The following DDC variants were observed in gnomAD, a reference collection of about 807,000 sequenced individuals.
DDC encodes dopa decarboxylase.
A neutral mutation model predicts 60.0 loss-of-function variants in DDC; 43 were observed. The observed-to-expected ratio is 0.72, with a 90% CI of 0.56 to 0.92. The LOEUF is 0.92. DDC is among the 40% of genes least tolerant of loss of function. The pLI, the probability that DDC is intolerant of heterozygous loss-of-function variation, is 0.00. For missense variants in DDC, 573 were observed against 620.2 expected, an observed-to-expected ratio of 0.92 and a Z score of 0.81; for synonymous variants, 232 against 234.6, an observed-to-expected ratio of 0.99 and a Z score of 0.10.
At chr7:50,550,989 G>A (rs2044974409) in intron 1 of DDC, among the ~76,000 whole-genome samples, 1 of 152,102 alleles carries the variant, frequency 6.6e-6, no homozygotes, top group African/African-American at 2.4e-5. Context: ...ATCCTAAAAT[G>A]TGCAACCTCT....
intron 1 of DDC, among the ~76,000 whole-genome samples, chr7:50,555,729 C>A (rs1483472493): frequency 6.6e-6 from 1 of 152,164 alleles, no homozygotes. Context: ...TTCATAAGAA[C>A]CTTGTCAGGA....
At chr7:50,521,384 A>G (rs1339791451) in intron 6 of DDC, among the ~76,000 whole-genome samples, 1 of 152,188 alleles carries the variant, frequency 6.6e-6, no homozygotes, top group East Asian at 1.9e-4. Flanking sequence ...GGAAGTAAGG[A>G]TTACTTACAG....
intron 6 of DDC, among the ~76,000 whole-genome samples, chr7:50,508,734 A>G (rs911532655): frequency 1.1e-4 from 17 of 152,208 alleles, no homozygotes; most frequent in Admixed American, 3.9e-4. Context: ...GCATATAGTC[A>G]TTATGCACAT....
intron 6 of DDC, among the ~76,000 whole-genome samples, chr7:50,525,843 A>G (rs1335891356): frequency 6.6e-6 from 1 of 152,138 alleles, no homozygotes; most frequent in African/African-American, 2.4e-5. Flanking sequence ...TCAGCTAGGC[A>G]TAGCTAAAGA....
chr7:50,534,245 G>C (rs541016481), intron 4 of DDC, among the ~76,000 whole-genome samples: 3 of 152,142 alleles, frequency 2.0e-5, no homozygotes, highest in Admixed American at 2.0e-4. Flanking sequence ...TTCTGCCATG[G>C]AGCTTTGCAG....
At chr7:50,473,280 C>T (rs1252331668) in intron 11 of DDC, among the ~76,000 whole-genome samples, 1 of 152,120 alleles carries the variant, frequency 6.6e-6, no homozygotes, top group Non-Finnish European at 1.5e-5. Flanking sequence ...GGGCTCTGCA[C>T]ACCAGGGCCC....
chr7:50,539,885 C>T, intron 3 of DDC, 30 bp downstream of exon 3: 2 of 1,553,562 alleles, frequency 1.3e-6, no homozygotes, highest in Middle Eastern at 1.7e-4. Context: ...ACAGCCAGGA[C>T]CCCTTCCCGA....
rs1170442057 is a variant in DDC at position 50,525,689 on chromosome 7, G to C, written c.714+2448C>G. 2.0e-5 allele frequency among the ~76,000 whole-genome samples: 3 copies of C among 152,036 alleles called. No homozygotes were observed. The East Asian group carries it at 5.8e-4, about 29-fold the overall frequency. On this transcript the variant is annotated intron_variant, in intron 6 of 14. Transcript: ENST00000444124. ...TGAGGTAGGAGACTTACTTGAACCT[G>C]GGAGGCAGATGTTGCAGTGAGCCAA... is the stretch of plus-strand genomic sequence containing the variant.
intron 10 of DDC, among the ~76,000 whole-genome samples, chr7:50,477,190 G>T (rs1448752850): frequency 6.6e-6 from 1 of 152,130 alleles, no homozygotes. Context: ...GCTCCACATT[G>T]GTTATGAAAA....
intron 1 of DDC, among the ~76,000 whole-genome samples, chr7:50,561,308 G>A (rs1367813128): frequency 6.6e-6 from 1 of 152,142 alleles, no homozygotes; most frequent in East Asian, 1.9e-4. Context: ...GTGTTCCCAG[G>A]CACTGTGTAG....
At chr7:50,464,230 A>C (rs1324098207) in intron 13 of DDC, among the ~76,000 whole-genome samples, 2 of 152,058 alleles carry the variant, frequency 1.3e-5, no homozygotes, top group Admixed American at 6.5e-5. Flanking sequence ...CTGTCTTCAG[A>C]GTGGAGAAGC....
At chr7:50,555,368 C>T (rs1394355285) in intron 1 of DDC, among the ~76,000 whole-genome samples, 1 of 152,130 alleles carries the variant, frequency 6.6e-6, no homozygotes, top group Admixed American at 6.5e-5. Context: ...TTGGTGAGAG[C>T]TATTACTATG....
At chr7:50,459,413 C>T (rs887497936) in intron 14 of DDC, among the ~76,000 whole-genome samples, 11 of 151,416 alleles carry the variant, frequency 7.3e-5, no homozygotes, top group African/African-American at 2.7e-4. Context: ...TCTGCCTGGC[C>T]GCCCATCGTC....
chr7:50,534,950 C>T (rs1412255999), intron 4 of DDC, among the ~76,000 whole-genome samples: 1 of 152,190 alleles, frequency 6.6e-6, no homozygotes, highest in African/African-American at 2.4e-5. Flanking sequence ...GCTGGAAGGG[C>T]ACCTGTGACA....
At chr7:50,545,254 T>G (rs1413664538) in intron 1 of DDC, among the ~76,000 whole-genome samples, 2 of 152,204 alleles carry the variant, frequency 1.3e-5, no homozygotes, top group African/African-American at 2.4e-5. Flanking sequence ...CGTCCCTGAG[T>G]GGTCTCAAAA....
At chr7:50,463,554 C>T (rs1025210008) in intron 13 of DDC, 123 bp from the exon 14 acceptor site, 70 of 822,942 alleles carry the variant, frequency 8.5e-5, no homozygotes, top group Middle Eastern at 2.2e-4. Flanking sequence ...GACTAACCAT[C>T]CCCCTTGCGT....
At chr7:50,500,985 G>A (rs922143861) in intron 7 of DDC, among the ~76,000 whole-genome samples, 1 of 152,178 alleles carries the variant, frequency 6.6e-6, no homozygotes, top group Non-Finnish European at 1.5e-5. Flanking sequence ...CATCTCATAT[G>A]TGATCCACTA....
At chr7:50,538,673 A>C (rs1754080970) in intron 3 of DDC, among the ~76,000 whole-genome samples, 1 of 152,236 alleles carries the variant, frequency 6.6e-6, no homozygotes, top group Admixed American at 6.5e-5. Context: ...GGTATCAGGC[A>C]ACGCAGCCTG....
intron 2 of DDC, among the ~76,000 whole-genome samples, chr7:50,540,495 CAAAA>C: frequency 9.3e-6 from 1 of 107,840 alleles, no homozygotes; most frequent in South Asian, 3.5e-4. Flanking sequence ...AACAAACAAA[CAAAA>C]AAAAAAACCA....
Sources: allele counts gnomAD v4.1 joint callset (sites outside exome capture counted in the v4.1 genomes callset), GRCh38; gene constraint gnomAD v4.1.1; transcripts MANE v1.5; gene names NCBI Gene and HGNC (gene_info 2026-07-23, HGNC 2026-07-21).